ITPR1: variants seen among roughly 807,000 people sequenced by gnomAD.
The protein encoded by ITPR1 is inositol 1,4,5-trisphosphate receptor type 1.
A neutral mutation model predicts 318.4 loss-of-function variants in ITPR1; 96 were observed. The ratio of observed to expected loss-of-function variants is 0.30; its 90% CI spans 0.26 to 0.36. The LOEUF (loss-of-function observed/expected upper bound fraction) is 0.36. Among genes scored for constraint, ITPR1 ranks in the 10% least tolerant of loss-of-function variants. ITPR1 has a pLI of 1.00. For synonymous variants in ITPR1, 1,312 were observed against 1,289.9 expected, an observed-to-expected ratio of 1.02 and a Z score of -0.37; for missense variants, 2,440 against 3,460.2, an observed-to-expected ratio of 0.71 and a Z score of 7.40.
At chr3:4,580,037 T>C (rs1450169809) in intron 4 of ITPR1, among the ~76,000 whole-genome samples, 1 of 152,030 alleles carries the variant, frequency 6.6e-6, no homozygotes, top group African/African-American at 2.4e-5. Context: ...GGTGAAACCC[T>C]GTCTCTACTA....
chr3:4,597,966 G>C (rs1293727057), intron 4 of ITPR1, among the ~76,000 whole-genome samples: 1 of 152,222 alleles, frequency 6.6e-6, no homozygotes, highest in Non-Finnish European at 1.5e-5. Flanking sequence ...CAGATTCAGA[G>C]AGCTAGGTTG....
intron 24 of ITPR1, among the ~76,000 whole-genome samples, chr3:4,677,456 C>T (rs780103000): frequency 1.6e-4 from 25 of 152,234 alleles, no homozygotes; most frequent in Middle Eastern, 3.4e-3. Flanking sequence ...AGTACAGTGA[C>T]ATGATTACAC....
chr3:4,698,908 A>C (rs4685803), intron 34 of ITPR1, among the ~76,000 whole-genome samples: 14 of 152,104 alleles, frequency 9.2e-5, no homozygotes, highest in Non-Finnish European at 2.1e-4. Flanking sequence ...TATTCTAGGC[A>C]GCAGAATTAA....
intron 52 of ITPR1, among the ~76,000 whole-genome samples, chr3:4,789,596 G>GTTTTGTTTTTGTTTTTGTTTTTGT (rs71053444): frequency 1.9e-5 from 2 of 108,080 alleles, no homozygotes; most frequent in African/African-American, 6.5e-5. Flanking sequence ...ATCCTGAGGT[G>GTTTTGTTTTTGTTTTTGTTTTTGT]TTTTGTTTTT....
At chr3:4,811,523 T>A in intron 56 of ITPR1, 63 bp downstream of exon 56, 2 of 1,347,572 alleles carry the variant, frequency 1.5e-6, no homozygotes, top group Non-Finnish European at 2.1e-6. Flanking sequence ...ATAACTGAAC[T>A]AAAGAAAATA....
Position 4,788,111 on chromosome 3 carries a change from T to A in ITPR1, c.6780T>A (p.Asn2260Lys). 6.2e-7 allele frequency: 1 copy of A among 1,606,290 alleles called. No homozygotes were observed. The highest frequency in any genetic ancestry group is 8.5e-7 in the Non-Finnish European group (1 of 1,176,156). ...TTCTGCGGTCTGAAGACCTCTTCAA[T>A]GAAATGAATTGGCAGAAGAAACTGA... is the stretch of plus-strand genomic sequence containing the variant. ...DFFLRSEDLFNEMNWQKKLRA... is the reference protein window; with the variant it reads ...DFFLRSEDLFKEMNWQKKLRA... The change falls in exon 52 of 62, where the codon AAT becomes AAA. Residue 2260 changes from asparagine (N) to lysine (K), a missense_variant. Asn to Lys is a moderately conservative substitution (Grantham distance 94). Around this residue, in one of 23 missense-constraint regions of ITPR1, gnomAD observed 115 missense variants for 204.5 expected, o/e 0.56. Coordinates refer to ENST00000649015, the MANE Select transcript of ITPR1 (RefSeq NM_001378452.1).
intron 4 of ITPR1, among the ~76,000 whole-genome samples, chr3:4,528,668 C>T (rs989790608): frequency 1.3e-5 from 2 of 152,108 alleles, no homozygotes; most frequent in Non-Finnish European, 2.9e-5. Context: ...GGGTATAGGA[C>T]TTACTTTCTG....
At chr3:4,532,793 G>C (rs2083527489) in intron 4 of ITPR1, among the ~76,000 whole-genome samples, 1 of 152,238 alleles carries the variant, frequency 6.6e-6, no homozygotes, top group South Asian at 2.1e-4. Context: ...CAGAGCAATA[G>C]AGAATGAGGG....
At chr3:4,614,965 A>G (rs994001594) in intron 4 of ITPR1, among the ~76,000 whole-genome samples, 2 of 152,200 alleles carry the variant, frequency 1.3e-5, no homozygotes, top group Non-Finnish European at 2.9e-5. Context: ...TTTGCAAACA[A>G]CAGAAACTGA....
intron 53 of ITPR1, among the ~76,000 whole-genome samples, chr3:4,797,986 C>G (rs1251068758): frequency 2.0e-5 from 3 of 152,176 alleles, no homozygotes. Flanking sequence ...AGATGTCTTT[C>G]TAGAGTTGAT....
chr3:4,641,370 C>T (rs1490863111), intron 6 of ITPR1, among the ~76,000 whole-genome samples: 15 of 152,114 alleles, frequency 9.9e-5, no homozygotes, highest in Non-Finnish European at 1.5e-5. Context: ...AAAGGGGTTG[C>T]ATTTTATTTT....
chr3:4,539,156 TTTC>T (rs1322075331), intron 4 of ITPR1, among the ~76,000 whole-genome samples: 1 of 152,238 alleles, frequency 6.6e-6, no homozygotes, highest in African/African-American at 2.4e-5. Context: ...TTCTAATTAT[TTTC>T]TTATGTCTGT....
At chr3:4,572,491 A>G (rs1361941214) in intron 4 of ITPR1, among the ~76,000 whole-genome samples, 12 of 152,222 alleles carry the variant, frequency 7.9e-5, no homozygotes, top group Admixed American at 7.9e-4. Context: ...TAAGTAAACT[A>G]GATCTTTAAT....
chr3:4,567,514 G>A (rs1285102999), intron 4 of ITPR1, among the ~76,000 whole-genome samples: 4 of 152,170 alleles, frequency 2.6e-5, no homozygotes, highest in Non-Finnish European at 4.4e-5. Flanking sequence ...AGAGATAGGC[G>A]AATGAAGATG....
chr3:4,804,551 G>A (rs932968973), intron 54 of ITPR1, among the ~76,000 whole-genome samples: 1 of 152,174 alleles, frequency 6.6e-6, no homozygotes, highest in Non-Finnish European at 1.5e-5. Flanking sequence ...TAGGGCAGAA[G>A]TTAGAGGGGA....
At chr3:4,741,014 G>T (rs1160067362) in intron 44 of ITPR1, among the ~76,000 whole-genome samples, 1 of 152,152 alleles carries the variant, frequency 6.6e-6, no homozygotes, top group Non-Finnish European at 1.5e-5. Flanking sequence ...CACACATGGG[G>T]CTCAGCAGGG....
intron 2 of ITPR1, among the ~76,000 whole-genome samples, chr3:4,502,820 G>A (rs1038686729): frequency 2.6e-5 from 4 of 151,996 alleles, no homozygotes; most frequent in African/African-American, 9.7e-5. Context: ...CGTGGCTCAC[G>A]CCTGTAATCC....
intron 60 of ITPR1, among the ~76,000 whole-genome samples, chr3:4,827,439 A>C (rs2050151605): frequency 6.6e-6 from 1 of 152,220 alleles, no homozygotes; most frequent in African/African-American, 2.4e-5. Flanking sequence ...ATATATTCAG[A>C]GTTCTTTAAA....
At chr3:4,540,125 C>T (rs573124643) in intron 4 of ITPR1, among the ~76,000 whole-genome samples, 5 of 150,880 alleles carry the variant, frequency 3.3e-5, no homozygotes, top group Non-Finnish European at 7.4e-5. Context: ...AAGGTTTTTT[C>T]TTTTGCCTTA....
Sources: allele counts gnomAD v4.1 joint callset (sites outside exome capture counted in the v4.1 genomes callset), GRCh38; gene constraint gnomAD v4.1.1; regional missense constraint gnomAD v4.1.1; transcripts MANE v1.5; gene names NCBI Gene and HGNC (gene_info 2026-07-23, HGNC 2026-07-21).